Variants in ALDH3A2 observed in about 807,000 individuals in gnomAD.
The protein encoded by ALDH3A2 is aldehyde dehydrogenase family 3 member A2.
Under a neutral mutation model 51.3 loss-of-function variants are expected in ALDH3A2, and 36 were observed. The observed-to-expected ratio is 0.70, with a 90% CI of 0.54 to 0.93. The LOEUF is 0.93. Among genes scored for constraint, ALDH3A2 ranks in the 40% least tolerant of loss-of-function variants. The pLI is 0.00. For synonymous variants in ALDH3A2, 199 were observed against 219.8 expected, an observed-to-expected ratio of 0.91 and a Z score of 0.84; for missense variants, 552 against 603.1, an observed-to-expected ratio of 0.92 and a Z score of 0.89.
chr17:19,674,520 A>AT (rs2085162953), intron 9 of ALDH3A2: 1 of 152,222 alleles, frequency 6.6e-6, no homozygotes, highest in African/African-American at 2.4e-5. Flanking sequence ...ATGTGGTTTG[A>AT]TTCCTGGCTC....
intron 3 of ALDH3A2, chr17:19,656,075 C>T: frequency 2.4e-6 from 1 of 425,492 alleles, no homozygotes; most frequent in South Asian, 2.1e-5. Context: ...ATGCATTTTC[C>T]CTGGTCAAAT....
chr17:19,672,535 G>A (rs534597799), intron 9 of ALDH3A2: 1 of 173,386 alleles, frequency 5.8e-6, no homozygotes, highest in South Asian at 1.3e-4. Context: ...CTTGCAAAGA[G>A]GCCCTCATGA....
At chr17:19,660,324 G>A (rs1257852675) in intron 5 of ALDH3A2, among the ~76,000 whole-genome samples, 9 of 151,914 alleles carry the variant, frequency 5.9e-5, no homozygotes, top group Admixed American at 5.2e-4. Flanking sequence ...GGTGACTCTC[G>A]AGTCAGAGCC....
At chr17:19,673,356 G>T (rs112169072) in intron 9 of ALDH3A2, 14,425 of 383,578 alleles carry the variant, frequency 0.038, 81 homozygotes, top group East Asian at 0.37. Flanking sequence ...GTTTGTTTTT[G>T]TTTTTGTTTT....
Position 19,675,579 on chromosome 17 carries a change from A to G in ALDH3A2, c.*7A>G, listed in dbSNP as rs537258173. Reference sequence around the variant, plus strand: ...CCAGGCAGAATATTACTGAAGAATGATCCTGTTCAACCTCCTAGTGCCTCT... The same window carrying G: ...CCAGGCAGAATATTACTGAAGAATGGTCCTGTTCAACCTCCTAGTGCCTCT... On this transcript the variant is annotated 3_prime_UTR_variant, in exon 10 of 10. Transcript: ENST00000176643. 8 of 1,612,842 alleles carry G rather than the reference A, an allele frequency of 5.0e-6. No homozygotes were observed. The Admixed American group carries it at 1.3e-4, about 27-fold the overall frequency.
Position 19,652,619 on chromosome 17 carries a change from A to G in ALDH3A2, c.458A>G (p.Gln153Arg). Residue 153 changes from glutamine to arginine, a missense_variant, in exon 3 of 10, where the codon CAG becomes CGG. Transcript: ENST00000176643. Reference protein sequence around the residue: ...TAKILAKLLPQYLDQDLYIVI... With the variant: ...TAKILAKLLPRYLDQDLYIVI... The stretch of plus-strand genomic sequence containing the variant: ...AAGATCTTGGCAAAGCTTCTCCCTC[A>G]GTATTTAGACCAGGTAAGAATTTCT... 2 of 1,613,100 alleles carry G rather than the reference A, an allele frequency of 1.2e-6. No homozygotes were observed. The highest frequency in any genetic ancestry group is 2.2e-5 in the South Asian group (2 of 91,074).
rs745645947 is a variant in ALDH3A2, at chr17:19,661,139, G to A, written c.811G>A (p.Glu271Lys). Reference sequence around the variant, plus strand: ...TTGTTTTAAATAGGAATTTTATGGAGAAAATATAAAAGAGTCTCCTGATTA... The same window carrying A: ...TTGTTTTAAATAGGAATTTTATGGAAAAAATATAAAAGAGTCTCCTGATTA... ...IKETVKEFYG[E>K]NIKESPDYER... The change falls in exon 6 of 10, where the codon GAA (glutamate) becomes AAA (lysine). Residue 271 changes from glutamate (E) to lysine (K), a missense_variant. Physicochemically the swap from Glu to Lys is moderately conservative, Grantham distance 56. Transcript: ENST00000176643. 14 of 1,610,746 alleles carry A rather than the reference G, an allele frequency of 8.7e-6. No individual in the cohort carries two copies. The Admixed American group carries it at 1.8e-4, about 21-fold the overall frequency.
intron 8 of ALDH3A2, 135 bp from the exon 9 acceptor site, chr17:19,671,586 A>G (rs189013151): frequency 3.8e-6 from 3 of 784,818 alleles, no homozygotes; most frequent in East Asian, 2.5e-5. Flanking sequence ...GAAAAGAGAT[A>G]CTTCAGCTGG....
Position 19,654,690 on chromosome 17 carries a change from C to T in ALDH3A2, c.472-1676C>T, listed in dbSNP as rs529429483. Reference sequence around the variant, plus strand: ...CACGCGCAGCCCCGGTTCCTGCCTGCGCCTCTCCCTCCACACCTTCCCACA... The same window carrying T: ...CACGCGCAGCCCCGGTTCCTGCCTGTGCCTCTCCCTCCACACCTTCCCACA... On this transcript the variant is annotated intron_variant, in intron 3 of 9. Transcript: ENST00000176643. This position sits in a 1 kb window ranked among gnomAD's most constrained non-coding sequence, Gnocchi z 4.5. Among the ~76,000 whole-genome samples, 59 of 152,100 alleles carry T rather than the reference C, an allele frequency of 3.9e-4. No individual in the cohort carries two copies. In the South Asian group the frequency reaches 0.01, roughly 27 times the overall value.
intron 2 of ALDH3A2, among the ~76,000 whole-genome samples, 164 bp from the exon 3 acceptor site, chr17:19,652,383 A>G (rs992466391): frequency 6.6e-6 from 1 of 152,196 alleles, no homozygotes; most frequent in Non-Finnish European, 1.5e-5. Context: ...TTAGCCTTAG[A>G]AGAGAAAGTG....
intron 1 of ALDH3A2, chr17:19,649,386 T>A: frequency 2.0e-6 from 1 of 508,100 alleles, no homozygotes; most frequent in South Asian, 2.9e-5. Context: ...ACATTTGTGG[T>A]TCTTTTCCTT....
chr17:19,652,730 A>C, intron 3 of ALDH3A2, 98 bp downstream of exon 3: 1 of 1,023,016 alleles, frequency 9.8e-7, no homozygotes, highest in Non-Finnish European at 1.5e-6. Flanking sequence ...CCGGGGACCC[A>C]ATTGCAGTCT....
chr17:19,652,835 A>G, intron 3 of ALDH3A2: 2 of 593,468 alleles, frequency 3.4e-6, no homozygotes, highest in Non-Finnish European at 6.0e-6. Flanking sequence ...TTGGGGTTAC[A>G]CAATATATGT....
chr17:19,648,679 GGGCGA>G (rs572287146), upstream of ALDH3A2: 187 of 487,952 alleles, frequency 3.8e-4, 1 homozygote, highest in African/African-American at 3.3e-3. Context: ...GGGGCCGCGT[GGGCGA>G]GGCCGTGAAC....
chr17:19,656,707 C>A, intron 4 of ALDH3A2, 133 bp downstream of exon 4: 1 of 917,244 alleles, frequency 1.1e-6, no homozygotes. Context: ...TGGTTGATGT[C>A]CTCAAGAGTA....
chr17:19,676,992 A>G lies in ALDH3A2; in HGVS notation c.*1420A>G, dbSNP rs1272843712. 2 of 152,262 alleles carry G rather than the reference A, an allele frequency of 1.3e-5. No homozygotes were observed. The highest frequency in any genetic ancestry group is 1.3e-4 in the Admixed American group (2 of 15,282). 9.4% of individuals were successfully genotyped at this position (152,262 alleles called of 1,614,324 possible). ...GGTCATACTGAAGGGAATTGATGGC[A>G]AGAGGATCCCCTGAGCAAGTCAGAA... On this transcript the variant is annotated 3_prime_UTR_variant, in exon 10 of 10. Coordinates refer to ENST00000176643, the MANE Select transcript of ALDH3A2 (RefSeq NM_000382.3).
chr17:19,658,542 T>C (rs1181771639), intron 5 of ALDH3A2, among the ~76,000 whole-genome samples: 3 of 151,808 alleles, frequency 2.0e-5, no homozygotes, highest in Admixed American at 6.6e-5. Flanking sequence ...CTGGCCAATA[T>C]GGTGAAACCC....
Position 19,652,537 on chromosome 17 carries a change from CTTTA to C in ALDH3A2, c.386-5_386-2del, listed in dbSNP as rs2084830183. On this transcript the variant is annotated splice_polypyrimidine_tract_variant and splice_region_variant and intron_variant, in intron 2 of 9. Coordinates refer to ENST00000176643, the MANE Select transcript of ALDH3A2 (RefSeq NM_000382.3). ...TTAGATGATACTGTTCTACTTTTTA[CTTTA>C]TTTAGGAAATGCTGTGATTATAAAG... 1 of 1,606,568 alleles carries C rather than the reference CTTTA, an allele frequency of 6.2e-7. No homozygotes were observed. Among genetic ancestry groups the C allele is most frequent in the African/African-American group, 1.3e-5 (1 of 74,758 alleles).
At chr17:19,657,692 A>G in intron 4 of ALDH3A2, 53 bp from the exon 5 acceptor site, 1 of 1,227,772 alleles carries the variant, frequency 8.1e-7, no homozygotes, top group South Asian at 1.2e-5. Context: ...TAACAAATGA[A>G]TATTTGACTG....
Sources: allele counts gnomAD v4.1 joint callset (sites outside exome capture counted in the v4.1 genomes callset), GRCh38; gene constraint gnomAD v4.1.1; non-coding constraint Gnocchi (gnomAD v3.1); transcripts MANE v1.5; gene names NCBI Gene and HGNC (gene_info 2026-07-23, HGNC 2026-07-21).